LYPLAL1: variants seen among roughly 807,000 people sequenced by gnomAD.
LYPLAL1 encodes lysophospholipase like 1.
In LYPLAL1, 23 loss-of-function variants were observed where a neutral mutation model predicts 19.7. The observed-to-expected ratio is 1.17, with a 90% CI of 0.84 to 1.65. The LOEUF (loss-of-function observed/expected upper bound fraction) is 1.65, where lower values mean the gene tolerates loss of function less well. Among genes scored for constraint, LYPLAL1 ranks in the 40% most tolerant of loss-of-function variants. The pLI is 0.00. For missense variants in LYPLAL1, 355 were observed against 279.4 expected (o/e 1.27, Z -1.93); for synonymous variants, 119 against 96.3 (o/e 1.24, Z -1.38).
At chr1:219,276,711 G>A in the LYPLAL1 span, among the ~76,000 whole-genome samples, 3 of 152,144 alleles carry the variant, frequency 2.0e-5, no homozygotes, top group Non-Finnish European at 4.4e-5. Flanking sequence ...ATACTGGATG[G>A]GAAATTCAGT....
chr1:219,327,836 T>C, the LYPLAL1 span, among the ~76,000 whole-genome samples: 2 of 152,178 alleles, frequency 1.3e-5, no homozygotes, highest in African/African-American at 4.8e-5. Context: ...CCTGCCACCA[T>C]GTAAGATGTG....
chr1:219,428,446 T>TA, the LYPLAL1 span, among the ~76,000 whole-genome samples: 2 of 152,204 alleles, frequency 1.3e-5, no homozygotes, highest in Non-Finnish European at 2.9e-5. Flanking sequence ...GCTCATCAGT[T>TA]AAAGTGTTGT....
At chr1:219,200,154 GC>G in intron 3 of LYPLAL1, 1 of 236,432 alleles carries the variant, frequency 4.2e-6, no homozygotes, top group Non-Finnish European at 8.9e-6. Flanking sequence ...TCTTCTACAT[GC>G]TTCTGGAATT....
chr1:219,312,684 G>GT, the LYPLAL1 span, among the ~76,000 whole-genome samples: 1 of 152,152 alleles, frequency 6.6e-6, no homozygotes, highest in Non-Finnish European at 1.5e-5. Context: ...CACCTTGTCT[G>GT]TTTTTTCAGT....
intron 3 of LYPLAL1, among the ~76,000 whole-genome samples, chr1:219,203,320 C>G (rs1658272720): frequency 6.7e-6 from 1 of 148,258 alleles, no homozygotes; most frequent in Non-Finnish European, 1.5e-5. Context: ...AGTATGTGAT[C>G]TTCTACCTTT....
At chr1:219,379,568 T>C in the LYPLAL1 span, among the ~76,000 whole-genome samples, 2 of 152,226 alleles carry the variant, frequency 1.3e-5, no homozygotes, top group Non-Finnish European at 2.9e-5. Context: ...TCTCAGGAAA[T>C]GTCTCATCAA....
chr1:219,183,210 G>A (rs1271324055), intron 2 of LYPLAL1, among the ~76,000 whole-genome samples: 2 of 151,892 alleles, frequency 1.3e-5, no homozygotes, highest in African/African-American at 4.8e-5. Flanking sequence ...TGTTTTATGT[G>A]CTTATTGAGC....
the LYPLAL1 span, among the ~76,000 whole-genome samples, chr1:219,260,304 A>G: frequency 6.6e-6 from 1 of 151,866 alleles, no homozygotes; most frequent in African/African-American, 2.4e-5. Flanking sequence ...AAAAAATTGT[A>G]TTAATGGAAG....
intron 3 of LYPLAL1, chr1:219,198,855 G>A (rs945275048): frequency 6.6e-6 from 1 of 151,974 alleles, no homozygotes; most frequent in Non-Finnish European, 1.5e-5. Context: ...ATTTTTCCTG[G>A]TTCCCATACC....
the LYPLAL1 span, among the ~76,000 whole-genome samples, chr1:219,322,713 A>G: frequency 6.6e-6 from 1 of 152,218 alleles, no homozygotes; most frequent in African/African-American, 2.4e-5. Context: ...TAAGATTCCT[A>G]TGTGTTTTCA....
chr1:219,237,265 C>G, the LYPLAL1 span, among the ~76,000 whole-genome samples: 1 of 152,206 alleles, frequency 6.6e-6, no homozygotes, highest in Non-Finnish European at 1.5e-5. Context: ...TCAAATTTCA[C>G]TGTTTAAATA....
At chr1:219,401,322 G>A in the LYPLAL1 span, among the ~76,000 whole-genome samples, 2 of 151,548 alleles carry the variant, frequency 1.3e-5, no homozygotes, top group African/African-American at 4.8e-5. Flanking sequence ...CCCCATGCTA[G>A]GTAGTAGCCT....
At chr1:219,344,433 C>A in the LYPLAL1 span, among the ~76,000 whole-genome samples, 6 of 152,180 alleles carry the variant, frequency 3.9e-5, no homozygotes, top group Non-Finnish European at 7.3e-5. Flanking sequence ...CATTCTCTAA[C>A]TGGGAGTCTT....
At chr1:219,416,917 A>G in the LYPLAL1 span, among the ~76,000 whole-genome samples, 16 of 152,176 alleles carry the variant, frequency 1.1e-4, no homozygotes, top group Non-Finnish European at 1.6e-4. Flanking sequence ...TCTTACCTCA[A>G]TTAGCCTGGG....
At chr1:219,440,376 G>A in the LYPLAL1 span, among the ~76,000 whole-genome samples, 6 of 151,980 alleles carry the variant, frequency 3.9e-5, no homozygotes, top group Admixed American at 2.6e-4. Flanking sequence ...TTCCCTAAAT[G>A]CCACTAAGAA....
intron 2 of LYPLAL1, among the ~76,000 whole-genome samples, chr1:219,188,477 A>C (rs1369917011): frequency 6.6e-6 from 1 of 151,766 alleles, no homozygotes; most frequent in Non-Finnish European, 1.5e-5. Context: ...CTCAACTAAT[A>C]ATAAGCTCGT....
the LYPLAL1 span, among the ~76,000 whole-genome samples, chr1:219,438,443 C>T: frequency 4.6e-5 from 7 of 152,162 alleles, no homozygotes; most frequent in African/African-American, 7.2e-5. Flanking sequence ...GTTCCTCGTG[C>T]AAAGTACCTG....
chr1:219,357,825 C>G, the LYPLAL1 span, among the ~76,000 whole-genome samples: 4 of 152,170 alleles, frequency 2.6e-5, no homozygotes, highest in African/African-American at 9.7e-5. Context: ...AATTTTGGTA[C>G]ATGCATACAA....
chr1:219,401,737 C>T, the LYPLAL1 span, among the ~76,000 whole-genome samples: 6 of 152,220 alleles, frequency 3.9e-5, no homozygotes, highest in South Asian at 1.2e-3. Context: ...CCATAAGTAG[C>T]AAAATGTATA....
Sources: allele counts gnomAD v4.1 joint callset (sites outside exome capture counted in the v4.1 genomes callset), GRCh38; gene constraint gnomAD v4.1.1; transcripts MANE v1.5; gene names NCBI Gene and HGNC (gene_info 2026-07-23, HGNC 2026-07-21).